The following MTSS2 variants were observed in gnomAD, a reference collection of about 807,000 sequenced individuals.
MTSS2 encodes protein MTSS 2.
MTSS2 carries 27 observed loss-of-function variants against 67.1 expected under a neutral mutation model. The ratio of observed to expected loss-of-function variants is 0.40; its 90% CI spans 0.30 to 0.55. MTSS2 has a LOEUF of 0.55. Among genes scored for constraint, MTSS2 ranks in the 20% least tolerant of loss-of-function variants. The pLI, the probability that MTSS2 is intolerant of heterozygous loss-of-function variation, is 0.43. For synonymous variants in MTSS2, 624 were observed against 468.6 expected, an observed-to-expected ratio of 1.33 and a Z score of -4.28; for missense variants, 1,171 against 1,067.8, an observed-to-expected ratio of 1.10 and a Z score of -1.35.
At chr16:70,665,393 G>T in intron 12 of MTSS2, 73 bp downstream of exon 12, 2 of 1,442,892 alleles carry the variant, frequency 1.4e-6, no homozygotes, top group Non-Finnish European at 1.9e-6. Flanking sequence ...GTGCAGTAAT[G>T]GCACCAGGTG....
In MTSS2 at chr16:70,663,202, A is replaced by C. The variant is rs71401824; in HGVS notation, c.*475T>G. ...CCTCCACAGCCGCCCCGCCTCCTGG[A>C]GGGAGAGGGGCCTGGGAGAGGCAGA... is the stretch of plus-strand genomic sequence containing the variant. On this transcript the variant is annotated 3_prime_UTR_variant, in exon 15 of 15. Coordinates refer to ENST00000338779, the MANE Select transcript of MTSS2 (RefSeq NM_138383.3). 6.4e-4 allele frequency: 103 copies of C among 160,644 alleles called. No homozygotes were observed. The highest frequency in any genetic ancestry group is 6.3e-3 in the Middle Eastern group (2 of 320). The allele number at this position is 160,644 out of a possible 1,614,324, so 10.0% of individuals were successfully genotyped here.
At chr16:70,681,395 G>A (rs1228591882) in intron 1 of MTSS2, among the ~76,000 whole-genome samples, 6 of 152,380 alleles carry the variant, frequency 3.9e-5, no homozygotes, top group Non-Finnish European at 7.3e-5. Context: ...TGAGCCCAAT[G>A]AGAGGCATCG....
At chr16:70,665,320 G>T in intron 12 of MTSS2, 146 bp downstream of exon 12, 1 of 996,224 alleles carries the variant, frequency 1.0e-6, no homozygotes, top group Non-Finnish European at 1.4e-6. Flanking sequence ...GAAATGGCCA[G>T]GTGGCTTGTC....
chr16:70,679,929 C>CCCGT, intron 4 of MTSS2, 42 bp downstream of exon 4: 1 of 1,495,214 alleles, frequency 6.7e-7, no homozygotes, highest in East Asian at 2.5e-5. Context: ...CCCGCGACGC[C>CCCGT]CCGTCCCCCC....
chr16:70,668,511 G>A (rs1468970399), intron 11 of MTSS2, among the ~76,000 whole-genome samples: 1 of 152,158 alleles, frequency 6.6e-6, no homozygotes, highest in Non-Finnish European at 1.5e-5. Flanking sequence ...AGAGTGCCAA[G>A]TCCAGAAATA....
chr16:70,679,817 C>A lies in MTSS2; in HGVS notation c.351G>T (p.Ala117=). The A allele has an allele frequency of 6.2e-7, 1 of 1,609,482 alleles. No homozygotes were observed. Among genetic ancestry groups the A allele is most frequent in the Non-Finnish European group, 8.5e-7 (1 of 1,179,680 alleles). The change falls in exon 5 of 15, where the codon GCG becomes GCT. Residue 117 remains alanine (A), a synonymous_variant. Coordinates refer to ENST00000338779, the MANE Select transcript of MTSS2 (RefSeq NM_138383.3). ...LQERIEDWKK[A]ANQLDKDHAK... ...CGTGGTCCTTGTCCAGCTGGTTGGC[C>A]GCCTTCTTCCAGTCCTCGATGCGCT...
chr16:70,682,223 G>A (rs1178136151), intron 1 of MTSS2, among the ~76,000 whole-genome samples: 1 of 152,232 alleles, frequency 6.6e-6, no homozygotes, highest in Non-Finnish European at 1.5e-5. Context: ...CACAGAGGCT[G>A]AAGCAAGAGT....
rs970734571 is a variant in MTSS2, at chr16:70,663,051, TCCTC to T, written c.*622_*625del. On this transcript the variant is annotated 3_prime_UTR_variant, in exon 15 of 15. Coordinates refer to ENST00000338779, the MANE Select transcript of MTSS2 (RefSeq NM_138383.3). ...CCCCCCCCCCAAGCAGCCCCTGGTT[TCCTC>T]CCTGAGACTTGGCGTGGGCCCTGGA... 4 of 151,816 alleles carry T rather than the reference TCCTC, an allele frequency of 2.6e-5. No homozygotes were observed. Among genetic ancestry groups the T allele is most frequent in the Non-Finnish European group, 5.9e-5 (4 of 68,048 alleles). The allele number at this position is 151,816 out of a possible 1,614,324, so 9.4% of individuals were successfully genotyped here.
In MTSS2 at chr16:70,663,829, C is replaced by A; in HGVS notation, c.2092G>T (p.Ala698Ser). 1 of 1,537,758 alleles carries A rather than the reference C, an allele frequency of 6.5e-7. No homozygotes were observed. The highest frequency in any genetic ancestry group is 8.7e-7 in the Non-Finnish European group (1 of 1,144,898). The change falls in exon 15 of 15, where the codon GCT (alanine) becomes TCT (serine). Residue 698 changes from alanine to serine, a missense_variant. By Grantham distance (99) the Ala-to-Ser change is moderately conservative (BLOSUM62 1). This residue lies in a region of MTSS2 where 924 missense variants were observed against 756.0 expected (regional missense o/e 1.22). Transcript: ENST00000338779. ...TCCTCCGTGGGGGTGGCCGACAGAG[C>A]AGTGGGGAAGGGGAACTGGCCCTCA... ...LGEGQFPFPT[A>S]LSATPTEETP... is the part of the protein sequence containing the mutation.
intron 12 of MTSS2, 65 bp downstream of exon 12, chr16:70,665,401 G>A: frequency 1.4e-6 from 2 of 1,474,394 alleles, no homozygotes; most frequent in Non-Finnish European, 1.8e-6. Flanking sequence ...ATGGCACCAG[G>A]TGGGGAGGGC....
chr16:70,664,077 C>T lies in MTSS2; in HGVS notation c.1844G>A (p.Cys615Tyr). 1 of 1,611,786 alleles carries T rather than the reference C, an allele frequency of 6.2e-7. No homozygotes were observed. Residue 615 changes from cysteine to tyrosine, a missense_variant, in exon 15 of 15, where the codon TGC (cysteine) becomes TAC (tyrosine). By Grantham distance (194) the Cys-to-Tyr change is radical (BLOSUM62 -2). Transcript: ENST00000338779. ...GGCGGTCTCGTCGGTATAGAAGACG[C>T]ACTCCTCACTGCCCGCCCGTGTGGG... ...MGPTRAGSEE[C>Y]VFYTDETASP...
intron 6 of MTSS2, 117 bp from the exon 7 acceptor site, chr16:70,679,440 C>T (rs1455454683): frequency 2.9e-6 from 4 of 1,357,086 alleles, no homozygotes; most frequent in Non-Finnish European, 4.1e-6. Context: ...CTGCTGCCTC[C>T]CATAGGGAGG....
rs771058717 is a variant in MTSS2 at position 70,664,990 on chromosome 16, C to T, written c.1235G>A (p.Gly412Glu). The T allele has an allele frequency of 2.5e-6, 4 of 1,589,930 alleles. No individual in the cohort carries two copies. In the South Asian group the frequency reaches 3.4e-5, roughly 13 times the overall value. ...LRDTEPGPAS[G>E]GTLGPSGEEA... ...TTCCCCGCTGGGGCCCAGGGTGCCC[C>T]CACTGGCAGGGCCTGGCTCTGTGTC... Residue 412 changes from glycine (G) to glutamate (E), a missense_variant, in exon 13 of 15, where the codon GGG (glycine) becomes GAG (glutamate). This residue lies in a region of MTSS2 where 924 missense variants were observed against 756.0 expected (regional missense o/e 1.22). Transcript: ENST00000338779.
chr16:70,674,447 G>C lies in MTSS2; in HGVS notation c.912C>G (p.Thr304=). 1 of 1,614,186 alleles carries C rather than the reference G, an allele frequency of 6.2e-7. No individual in the cohort carries two copies. Among genetic ancestry groups the C allele is most frequent in the African/African-American group, 1.3e-5 (1 of 75,070 alleles). The change falls in exon 11 of 15, where the codon ACC becomes ACG. Residue 304 remains threonine (T), a synonymous_variant. Coordinates refer to ENST00000338779, the MANE Select transcript of MTSS2 (RefSeq NM_138383.3). ...GGAQTYSPSS[T]CRYRSLAQPA... ...GCTGCGCCAGGCTGCGGTAGCGACA[G>C]GTGGAACTGGGTGAGTATGTTTGGG...
Position 70,678,275 on chromosome 16 carries a change from T to C in MTSS2, c.601A>G (p.Ile201Val), listed in dbSNP as rs2053184329. Residue 201 changes from isoleucine to valine, a missense_variant, in exon 8 of 15, where the codon ATC becomes GTC. Transcript: ENST00000338779. ...IEERGRFCTFITFLQPVVNGE... is the reference protein window; with the variant it reads ...IEERGRFCTFVTFLQPVVNGE... ...ACCACCACAGGCTGCAGGAAGGTGA[T>C]GAAGGTGCAGAAGCGGCCCCGCTCC... 2 of 1,611,000 alleles carry C rather than the reference T, an allele frequency of 1.2e-6. No homozygotes were observed. The highest frequency in any genetic ancestry group is 2.2e-5 in the East Asian group (1 of 44,868).
chr16:70,672,064 C>G (rs1344298460), intron 11 of MTSS2, among the ~76,000 whole-genome samples: 1 of 152,178 alleles, frequency 6.6e-6, no homozygotes. Context: ...ATGTAGGGTC[C>G]TAGCCAGGGG....
At chr16:70,678,570 G>A (rs1229068858) in intron 7 of MTSS2, among the ~76,000 whole-genome samples, 161 bp from the exon 8 acceptor site, 4 of 152,244 alleles carry the variant, frequency 2.6e-5, no homozygotes, top group African/African-American at 9.6e-5. Context: ...TGGGGCTTGT[G>A]GAAGGGCTAG....
At chr16:70,668,103 CCAGATAT>C in intron 11 of MTSS2, among the ~76,000 whole-genome samples, 1 of 151,600 alleles carries the variant, frequency 6.6e-6, no homozygotes, top group South Asian at 2.1e-4. Context: ...ACTTCCATGA[CCAGATAT>C]CAAGATTTTC....
At chr16:70,683,016 C>T (rs1028754603) in intron 1 of MTSS2, among the ~76,000 whole-genome samples, 7 of 152,208 alleles carry the variant, frequency 4.6e-5, no homozygotes, top group African/African-American at 9.6e-5. Context: ...GCTGGGGAGG[C>T]GGCAGGGACT....
Sources: gnomAD v4.1 joint callset for allele counts (sites outside exome capture counted in the v4.1 genomes callset) on GRCh38, gnomAD v4.1.1 for gene constraint, gnomAD v4.1.1 regional missense constraint, MANE v1.5 for transcripts, NCBI Gene and HGNC (gene_info 2026-07-23, HGNC 2026-07-21) for gene names.